Variants in PRKCI observed in about 807,000 individuals in gnomAD.
The protein encoded by PRKCI is protein kinase C iota.
Under a neutral mutation model 84.0 loss-of-function variants are expected in PRKCI, and 43 were observed. The observed-to-expected ratio is 0.51, with a 90% CI of 0.40 to 0.66. The LOEUF is 0.66. Among genes scored for constraint, PRKCI ranks in the 30% least tolerant of loss-of-function variants. The probability of loss-of-function intolerance (pLI) is 0.00; values close to 1 mark genes in which losing one functional copy is unlikely to be tolerated. For missense variants in PRKCI, 459 were observed against 745.6 expected (o/e 0.62, Z 4.48); for synonymous variants, 216 against 234.4 (o/e 0.92, Z 0.72).
intron 5 of PRKCI, 46 bp downstream of exon 5, chr3:170,268,046 T>C (rs1733908377): frequency 1.4e-6 from 2 of 1,471,218 alleles, no homozygotes; most frequent in Non-Finnish European, 1.9e-6. Flanking sequence ...CAGCTATTTT[T>C]TCCCTTTCTA....
chr3:170,278,643 A>AAG (rs1459922012), intron 8 of PRKCI, among the ~76,000 whole-genome samples: 4 of 152,190 alleles, frequency 2.6e-5, no homozygotes, highest in African/African-American at 4.8e-5. Context: ...GTGACAGAAC[A>AAG]AGACCTTTTC....
chr3:170,229,614 C>T (rs140643145), intron 1 of PRKCI, among the ~76,000 whole-genome samples: 1 of 152,272 alleles, frequency 6.6e-6, no homozygotes, highest in East Asian at 1.9e-4. Context: ...TATGTTTAAT[C>T]TTTTTTCGGA....
chr3:170,281,329 A>T, intron 10 of PRKCI, 66 bp downstream of exon 10: 1 of 1,285,328 alleles, frequency 7.8e-7, no homozygotes, highest in Non-Finnish European at 1.1e-6. Context: ...CACAGTTAGA[A>T]CCTTTCTGCC....
At chr3:170,275,312 A>C (rs372017990) in intron 8 of PRKCI, 25 bp downstream of exon 8, 1 of 1,578,848 alleles carries the variant, frequency 6.3e-7, no homozygotes, top group South Asian at 1.2e-5. Flanking sequence ...CTTATTGTAC[A>C]TTATATCATT....
intron 1 of PRKCI, among the ~76,000 whole-genome samples, chr3:170,234,052 A>C: frequency 1.0e-4 from 1 of 9,612 alleles, no homozygotes; most frequent in South Asian, 2.9e-3. Flanking sequence ...TTTTTTTTTG[A>C]GATGGAGTTT....
chr3:170,270,686 G>A, intron 6 of PRKCI, 125 bp downstream of exon 6: 1 of 1,202,294 alleles, frequency 8.3e-7, no homozygotes. Context: ...TACAGAGTAT[G>A]GGGAGGAATA....
Position 170,297,305 on chromosome 3 carries a change from A to G in PRKCI, c.1499A>G (p.Asp500Gly). 1 of 1,610,358 alleles carries G rather than the reference A, an allele frequency of 6.2e-7. No homozygotes were observed. The highest frequency in any genetic ancestry group is 8.5e-7 in the Non-Finnish European group (1 of 1,176,680). ...ASVLKSFLNKDPKERLGCHPQ... is the reference protein window; with the variant it reads ...ASVLKSFLNKGPKERLGCHPQ... ...CTTGAAACATTTCTTTCACCATAGG[A>G]CCCTAAGGAACGATTGGGTTGTCAT... The change falls in exon 16 of 18, where the codon GAC becomes GGC. Residue 500 changes from aspartate to glycine, a missense_variant and splice_region_variant. Physicochemically the swap from Asp to Gly is moderately conservative, Grantham distance 94 (BLOSUM62 -1). Coordinates refer to ENST00000295797, the MANE Select transcript of PRKCI (RefSeq NM_002740.6).
intron 4 of PRKCI, among the ~76,000 whole-genome samples, chr3:170,266,065 A>G (rs868545341): frequency 1.2e-4 from 18 of 152,160 alleles, no homozygotes; most frequent in African/African-American, 4.3e-4. Context: ...TAATCTTTCT[A>G]TGGTATTAAC....
intron 16 of PRKCI, 48 bp from the exon 17 acceptor site, chr3:170,298,947 T>G (rs1206731462): frequency 9.9e-6 from 13 of 1,312,526 alleles, no homozygotes; most frequent in Non-Finnish European, 1.4e-5. Context: ...AGAGGTGGAG[T>G]TTTTCTAAGA....
At chr3:170,259,713 G>A (rs1469742051) in intron 2 of PRKCI, among the ~76,000 whole-genome samples, 2 of 152,138 alleles carry the variant, frequency 1.3e-5, no homozygotes, top group Middle Eastern at 3.4e-3. Flanking sequence ...AGCTGAGGCA[G>A]GAGAATCGCT....
intron 12 of PRKCI, among the ~76,000 whole-genome samples, chr3:170,285,121 C>G (rs1560182996): frequency 6.6e-6 from 1 of 150,906 alleles, no homozygotes; most frequent in African/African-American, 2.4e-5. Flanking sequence ...GCTCTGTCCC[C>G]CAGGCTGGAG....
intron 1 of PRKCI, among the ~76,000 whole-genome samples, chr3:170,234,031 C>CTTTTTTT (rs386398519): frequency 2.1e-5 from 2 of 93,334 alleles, no homozygotes; most frequent in Admixed American, 1.5e-4. Flanking sequence ...TATACTTACA[C>CTTTTTTT]TTTTTTTTTT....
intron 1 of PRKCI, among the ~76,000 whole-genome samples, chr3:170,225,810 G>A (rs1171724009): frequency 6.6e-6 from 1 of 151,886 alleles, no homozygotes; most frequent in African/African-American, 2.4e-5. Flanking sequence ...TCAAAGATGT[G>A]TATAGTGTTA....
intron 12 of PRKCI, 128 bp downstream of exon 12, chr3:170,284,724 T>G: frequency 8.9e-7 from 1 of 1,129,348 alleles, no homozygotes; most frequent in Non-Finnish European, 1.2e-6. Flanking sequence ...TGTGGAATTC[T>G]AGCACAAAGA....
intron 12 of PRKCI, among the ~76,000 whole-genome samples, chr3:170,285,503 A>G (rs973094757): frequency 8.5e-5 from 13 of 152,358 alleles, no homozygotes; most frequent in African/African-American, 2.6e-4. Flanking sequence ...TCACATAGCA[A>G]TACAACAACC....
At chr3:170,234,585 A>T (rs1178691750) in intron 1 of PRKCI, among the ~76,000 whole-genome samples, 2 of 152,218 alleles carry the variant, frequency 1.3e-5, no homozygotes, top group Admixed American at 1.3e-4. Flanking sequence ...GAAATTTCAT[A>T]GAATTTTCTT....
intron 1 of PRKCI, among the ~76,000 whole-genome samples, chr3:170,230,717 T>G (rs976224360): frequency 2.0e-5 from 3 of 152,184 alleles, no homozygotes; most frequent in African/African-American, 7.2e-5. Flanking sequence ...ACAACTTTTT[T>G]TTTCTCCAAA....
intron 8 of PRKCI, among the ~76,000 whole-genome samples, chr3:170,279,093 T>C (rs1734184402): frequency 6.6e-6 from 1 of 152,160 alleles, no homozygotes; most frequent in South Asian, 2.1e-4. Context: ...ACTGGCACAA[T>C]CACAGCTCAC....
At chr3:170,242,552 T>C (rs1179060436) in intron 2 of PRKCI, among the ~76,000 whole-genome samples, 1 of 151,284 alleles carries the variant, frequency 6.6e-6, no homozygotes, top group Admixed American at 6.6e-5. Flanking sequence ...TAGTTTTCCT[T>C]TATAATGTTA....
Sources: gnomAD v4.1 joint callset for allele counts (sites outside exome capture counted in the v4.1 genomes callset) on GRCh38, gnomAD v4.1.1 for gene constraint, MANE v1.5 for transcripts, NCBI Gene and HGNC (gene_info 2026-07-23, HGNC 2026-07-21) for gene names.